ANO3: variants seen among roughly 807,000 people sequenced by gnomAD.
ANO3 encodes the protein anoctamin 3.
Under a neutral mutation model 144.8 loss-of-function variants are expected in ANO3, and 99 were observed. That is an observed-to-expected ratio of 0.68 (90% CI 0.58 to 0.81). The LOEUF (loss-of-function observed/expected upper bound fraction) is 0.81. Among genes scored for constraint, ANO3 ranks in the 30% least tolerant of loss-of-function variants. ANO3 has a pLI of 0.00. For synonymous variants in ANO3, 414 were observed against 392.6 expected (o/e 1.05, Z -0.64); for missense variants, 905 against 1,202.2 (o/e 0.75, Z 3.66).
At chr11:26,557,720 C>T (rs1225396122) in intron 13 of ANO3, among the ~76,000 whole-genome samples, 1 of 152,152 alleles carries the variant, frequency 6.6e-6, no homozygotes, top group Non-Finnish European at 1.5e-5. Context: ...TTCTGTCAAT[C>T]ACCCATGATC....
At chr11:26,305,498 T>C (rs2133866215), upstream of ANO3, among the ~76,000 whole-genome samples, 1 of 152,198 alleles carries the variant, frequency 6.6e-6, no homozygotes, top group East Asian at 1.9e-4. Context: ...AATGTTTGTC[T>C]TATTCATAAA....
At chr11:26,245,724 G>A (rs1852775757) in intron 1 of ANO3, among the ~76,000 whole-genome samples, 1 of 152,176 alleles carries the variant, frequency 6.6e-6, no homozygotes, top group Non-Finnish European at 1.5e-5. Flanking sequence ...TTTATGGGGA[G>A]TATCATAGAG....
chr11:26,305,660 T>C (rs116956702), upstream of ANO3, among the ~76,000 whole-genome samples: 2,789 of 152,314 alleles, frequency 0.018, 51 homozygotes, highest in East Asian at 0.11. Flanking sequence ...CTTACATAAC[T>C]ACTTTCAGAG....
rs187675250 is a variant in ANO3 at position 26,500,692 on chromosome 11, G to A, written c.433-7412G>A. 3.3e-3 allele frequency among the ~76,000 whole-genome samples: 499 copies of A among 151,792 alleles called. 3 individuals carry two copies. The highest frequency in any genetic ancestry group is 0.011 in the African/African-American group (470 of 41,436). ...TTATAAGAGTTGTTTACATATTAAGGAAACAAGTTTCTTATCAGATGTTTG... is the reference window on the plus strand; with the variant it reads ...TTATAAGAGTTGTTTACATATTAAGAAAACAAGTTTCTTATCAGATGTTTG... On this transcript the variant is annotated intron_variant, in intron 4 of 26. Transcript: ENST00000256737.
chr11:26,189,250 G>C, exon 1 of ANO3: 1 of 985,296 alleles, frequency 1.0e-6, no homozygotes, highest in Non-Finnish European at 1.2e-6. Context: ...TCCAACTCAT[G>C]TTTTGCTTTA....
chr11:26,210,706 G>A (rs1204266575), intron 1 of ANO3, among the ~76,000 whole-genome samples: 1 of 152,098 alleles, frequency 6.6e-6, no homozygotes, highest in Non-Finnish European at 1.5e-5. Context: ...CACATCCCTT[G>A]TAAGTTGTAT....
chr11:26,315,686 C>CATCT (rs764949318), intron 1 of ANO3, among the ~76,000 whole-genome samples: 2,309 of 108,300 alleles, frequency 0.021, 41 homozygotes, highest in African/African-American at 0.053. Flanking sequence ...TCTATCTATC[C>CATCT]ATCTATCTAT....
chr11:26,365,074 C>T (rs1856030009), intron 1 of ANO3, among the ~76,000 whole-genome samples: 1 of 152,114 alleles, frequency 6.6e-6, no homozygotes, highest in Non-Finnish European at 1.5e-5. Flanking sequence ...ATACCCATTC[C>T]AAAAAGAAGA....
intron 26 of ANO3, among the ~76,000 whole-genome samples, chr11:26,660,007 T>G (rs1275835822): frequency 1.3e-5 from 2 of 152,182 alleles, no homozygotes; most frequent in Non-Finnish European, 2.9e-5. Context: ...TTAAGATTTA[T>G]TCAGTGCTTA....
chr11:26,636,494 A>G (rs760772390), intron 20 of ANO3, among the ~76,000 whole-genome samples: 1 of 152,218 alleles, frequency 6.6e-6, no homozygotes, highest in Non-Finnish European at 1.5e-5. Context: ...GTACTCCAGC[A>G]ATTGTTTCTA....
At chr11:26,255,273 C>T (rs143164950) in intron 1 of ANO3, among the ~76,000 whole-genome samples, 1 of 152,072 alleles carries the variant, frequency 6.6e-6, no homozygotes, top group East Asian at 1.9e-4. Flanking sequence ...TGTTATTTCC[C>T]TGATCAACAC....
intron 1 of ANO3, among the ~76,000 whole-genome samples, chr11:26,195,550 T>C (rs1331568033): frequency 2.0e-5 from 3 of 152,174 alleles, no homozygotes; most frequent in African/African-American, 7.2e-5. Flanking sequence ...ATAACAATCA[T>C]GCATTATCTA....
At chr11:26,631,144 CTTCAG>C (rs2133033809) in intron 18 of ANO3, among the ~76,000 whole-genome samples, 1 of 152,020 alleles carries the variant, frequency 6.6e-6, no homozygotes, top group South Asian at 2.1e-4. Context: ...ATGTTAATCT[CTTCAG>C]TACAGTGTTT....
chr11:26,562,667 T>G (rs1008936465), intron 14 of ANO3, among the ~76,000 whole-genome samples: 1 of 151,820 alleles, frequency 6.6e-6, no homozygotes, highest in Non-Finnish European at 1.5e-5. Context: ...CTCATTAAGA[T>G]GGTTAATGGA....
At chr11:26,580,120 A>G (rs1309668203) in intron 14 of ANO3, among the ~76,000 whole-genome samples, 2 of 120,826 alleles carry the variant, frequency 1.7e-5, no homozygotes, top group Non-Finnish European at 3.6e-5. Context: ...AATAACATAC[A>G]CAAAAAGCAA....
At chr11:26,307,060 T>C (rs932542798), upstream of ANO3, among the ~76,000 whole-genome samples, 3 of 152,154 alleles carry the variant, frequency 2.0e-5, no homozygotes, top group African/African-American at 7.2e-5. Flanking sequence ...AATGTACTTT[T>C]AATAAATAGG....
chr11:26,244,631 T>C (rs963822919), intron 1 of ANO3, among the ~76,000 whole-genome samples: 1 of 152,162 alleles, frequency 6.6e-6, no homozygotes, highest in African/African-American at 2.4e-5. Flanking sequence ...AATACCACAG[T>C]GGACACCTGT....
At chr11:26,531,393 A>G (rs1338177073) in intron 8 of ANO3, 57 bp downstream of exon 8, 21 of 1,536,910 alleles carry the variant, frequency 1.4e-5, no homozygotes, top group Non-Finnish European at 1.8e-5. Context: ...GGGCTTGTTT[A>G]TAGAATAAAA....
At chr11:26,347,853 G>A (rs1444733035) in intron 1 of ANO3, among the ~76,000 whole-genome samples, 1 of 152,166 alleles carries the variant, frequency 6.6e-6, no homozygotes, top group African/African-American at 2.4e-5. Flanking sequence ...GGTATTATTT[G>A]CTTTACTTGA....
Sources: allele counts gnomAD v4.1 joint callset (sites outside exome capture counted in the v4.1 genomes callset), GRCh38; gene constraint gnomAD v4.1.1; transcripts MANE v1.5; gene names NCBI Gene and HGNC (gene_info 2026-07-23, HGNC 2026-07-21).